The following PRH1 variants were observed in gnomAD, a reference collection of about 807,000 sequenced individuals.
The protein encoded by PRH1 is proline rich protein HaeIII subfamily 1.
PRH1 carries 7 observed loss-of-function variants against 7.9 expected under a neutral mutation model. The ratio of observed to expected loss-of-function variants is 0.89; its 90% CI spans 0.50 to 1.67. The LOEUF is 1.67. Ranked by LOEUF, PRH1 falls within the 40% of genes most tolerant of loss-of-function variation. The probability of loss-of-function intolerance (pLI) is 0.00; values close to 1 mark genes in which losing one functional copy is unlikely to be tolerated. For missense variants in PRH1, 109 were observed against 223.6 expected, an observed-to-expected ratio of 0.49 and a Z score of 3.27; for synonymous variants, 45 against 80.8, an observed-to-expected ratio of 0.56 and a Z score of 2.38.
At chr12:11,028,765 T>G (rs1212727544) in intron 1 of PRH1, among the ~76,000 whole-genome samples, 2 of 150,494 alleles carry the variant, frequency 1.3e-5, no homozygotes, top group Admixed American at 1.3e-4. Context: ...TGTCTCCAAC[T>G]CAGACACCTG....
At chr12:10,989,623 C>T (rs11054136) in intron 1 of PRH1, among the ~76,000 whole-genome samples, 46,350 of 152,046 alleles carry the variant, frequency 0.3, 8,922 homozygotes, top group East Asian at 0.74. Flanking sequence ...AAAGACACCA[C>T]CACTTTATAC....
chr12:10,890,340 C>A (rs952799693), intron 2 of PRH1, among the ~76,000 whole-genome samples: 2 of 151,952 alleles, frequency 1.3e-5, no homozygotes, highest in Non-Finnish European at 2.9e-5. Flanking sequence ...AGCAGTGCAT[C>A]GAATGGGTCC....
chr12:11,146,614 T>C (rs1048224670), intron 1 of PRH1, among the ~76,000 whole-genome samples: 1 of 152,194 alleles, frequency 6.6e-6, no homozygotes, highest in Admixed American at 6.5e-5. Context: ...TTTTCCTTTA[T>C]GTTTCGTGGT....
At position 11,148,760 on chromosome 12, in the gene PRH1, G is replaced by T. The variant is rs558189295; in HGVS notation, n.39+22662C>A. Among the ~76,000 whole-genome samples, 3 of 113,284 alleles carry T rather than the reference G, an allele frequency of 2.6e-5. 1 individual carries two copies. Among genetic ancestry groups the T allele is most frequent in the African/African-American group, 8.7e-5 (3 of 34,326 alleles). The allele number at this position is 113,284 out of a possible 152,430, so 74.3% of individuals were successfully genotyped here. On this transcript the variant is annotated intron_variant and non_coding_transcript_variant, in intron 1 of 1. Transcript: ENST00000541175. Reference sequence around the variant, plus strand: ...AGTCTAAAATTCTCTTTTTGGTTGTGTCTCTGCCCAGCTTTGGTATCAGGA... The same window carrying T: ...AGTCTAAAATTCTCTTTTTGGTTGTTTCTCTGCCCAGCTTTGGTATCAGGA...
intron 1 of PRH1, among the ~76,000 whole-genome samples, chr12:11,124,114 T>G (rs1013788850): frequency 6.6e-6 from 1 of 152,198 alleles, no homozygotes; most frequent in Non-Finnish European, 1.5e-5. Flanking sequence ...TATAAGTAGC[T>G]TTTTTGGGAT....
At chr12:10,916,596 T>C (rs905332053) in intron 2 of PRH1, among the ~76,000 whole-genome samples, 1 of 152,054 alleles carries the variant, frequency 6.6e-6, no homozygotes, top group South Asian at 2.1e-4. Context: ...GTGGAAGGAA[T>C]GGGCTCTCAC....
At chr12:11,154,187 T>G (rs1947186555) in intron 1 of PRH1, among the ~76,000 whole-genome samples, 1 of 152,184 alleles carries the variant, frequency 6.6e-6, no homozygotes, top group Non-Finnish European at 1.5e-5. Flanking sequence ...TGCCAAAATG[T>G]TTTTTATCAA....
chr12:10,971,843 A>T (rs372294078), intron 2 of PRH1, among the ~76,000 whole-genome samples: 208 of 152,266 alleles, frequency 1.4e-3, no homozygotes, highest in Middle Eastern at 6.8e-3. Flanking sequence ...TTCAAAAATT[A>T]CATATTACTC....
intron 2 of PRH1, chr12:10,909,587 C>G: frequency 2.7e-6 from 1 of 366,536 alleles, no homozygotes; most frequent in Non-Finnish European, 4.9e-6. Context: ...GATTATGCAG[C>G]AAAGTTAAAC....
chr12:10,933,937 A>G (rs891212548), intron 2 of PRH1, among the ~76,000 whole-genome samples: 1 of 152,158 alleles, frequency 6.6e-6, no homozygotes, highest in African/African-American at 2.4e-5. Context: ...TTTTCTGTCC[A>G]GAAAATAACA....
intron 1 of PRH1, chr12:10,986,327 A>C (rs770306063): frequency 6.2e-7 from 1 of 1,614,070 alleles, no homozygotes; most frequent in South Asian, 1.1e-5. Flanking sequence ...GGGTAGTTAC[A>C]GTCAAATATG....
At chr12:11,169,083 C>T (rs976591403) in intron 1 of PRH1, among the ~76,000 whole-genome samples, 1 of 152,218 alleles carries the variant, frequency 6.6e-6, no homozygotes, top group African/African-American at 2.4e-5. Flanking sequence ...AATTCTGGAG[C>T]TGGCTAACCT....
At chr12:10,967,953 T>C (rs942149605) in intron 2 of PRH1, among the ~76,000 whole-genome samples, 5 of 152,188 alleles carry the variant, frequency 3.3e-5, no homozygotes, top group African/African-American at 9.7e-5. Context: ...TGGTGGCACG[T>C]GCCTGTCATC....
chr12:10,996,716 T>C, intron 1 of PRH1: 1 of 331,112 alleles, frequency 3.0e-6, no homozygotes. Flanking sequence ...TAAAGGTATG[T>C]TATGGTAAAT....
intron 2 of PRH1, among the ~76,000 whole-genome samples, chr12:10,902,651 C>T (rs1275105022): frequency 1.3e-5 from 2 of 152,012 alleles, no homozygotes; most frequent in Non-Finnish European, 2.9e-5. Context: ...AAAGGGAACC[C>T]CATAAGGCCA....
intron 1 of PRH1, among the ~76,000 whole-genome samples, chr12:11,100,859 T>G (rs567630633): frequency 4.6e-5 from 7 of 152,120 alleles, no homozygotes; most frequent in Non-Finnish European, 8.8e-5. Flanking sequence ...GCCAAAAAAT[T>G]TATAGTAACA....
At position 11,149,119 on chromosome 12, in the gene PRH1, G is replaced by A. The variant is rs982562073; in HGVS notation, n.39+22303C>T. 3.3e-5 allele frequency among the ~76,000 whole-genome samples: 5 copies of A among 151,740 alleles called. No homozygotes were observed. The South Asian group carries it at 6.3e-4, about 19-fold the overall frequency. On this transcript the variant is annotated intron_variant and non_coding_transcript_variant, in intron 1 of 1. Transcript: ENST00000541175. ...CTGATGGTAGTTTGTATTTCTGTGG[G>A]ATCGGTGGTGATATCCCCTTTATTA...
intron 1 of PRH1, among the ~76,000 whole-genome samples, chr12:11,066,785 T>G (rs1458944784): frequency 1.3e-5 from 2 of 151,820 alleles, no homozygotes; most frequent in Non-Finnish European, 2.9e-5. Flanking sequence ...ATGTTTCTTC[T>G]ATGATTCTCA....
At chr12:11,071,165 C>CG (rs1396007682) in intron 1 of PRH1, among the ~76,000 whole-genome samples, 2 of 118,372 alleles carry the variant, frequency 1.7e-5, no homozygotes, top group African/African-American at 5.7e-5. Context: ...ATTTGCAGAC[C>CG]AAACACACCC....
Sources: gnomAD v4.1 joint callset for allele counts (sites outside exome capture counted in the v4.1 genomes callset) on GRCh38, gnomAD v4.1.1 for gene constraint, MANE v1.5 for transcripts, NCBI Gene and HGNC (gene_info 2026-07-23, HGNC 2026-07-21) for gene names.